SGCZ: variants seen among roughly 807,000 people sequenced by gnomAD.
SGCZ encodes zeta-sarcoglycan.
SGCZ carries 40 observed loss-of-function variants against 41.3 expected under a neutral mutation model. The ratio of observed to expected loss-of-function variants is 0.97; its 90% CI spans 0.75 to 1.26. The LOEUF is 1.26. SGCZ is among the 50% of genes most tolerant of loss of function. SGCZ has a pLI of 0.00. For missense variants in SGCZ, 552 were observed against 369.8 expected (o/e 1.49, Z -4.04); for synonymous variants, 206 against 137.5 (o/e 1.50, Z -3.49).
chr8:14,426,876 G>C (rs931087848), intron 2 of SGCZ, among the ~76,000 whole-genome samples: 9 of 152,090 alleles, frequency 5.9e-5, no homozygotes, highest in African/African-American at 2.2e-4. Flanking sequence ...AAATGTCTAA[G>C]ATCAAATAAA....
At chr8:14,537,426 A>G (rs554691140) in intron 2 of SGCZ, among the ~76,000 whole-genome samples, 6 of 152,030 alleles carry the variant, frequency 3.9e-5, no homozygotes, top group South Asian at 4.1e-4. Flanking sequence ...TCCAAACAAG[A>G]CAGAGAAAAA....
At chr8:14,371,047 A>G (rs1346368705) in intron 2 of SGCZ, among the ~76,000 whole-genome samples, 1 of 152,010 alleles carries the variant, frequency 6.6e-6, no homozygotes, top group Non-Finnish European at 1.5e-5. Context: ...TTTTTACCCT[A>G]TAAAAGCCAA....
chr8:14,303,453 C>T (rs1042704324), intron 3 of SGCZ, among the ~76,000 whole-genome samples: 8 of 152,006 alleles, frequency 5.3e-5, no homozygotes, highest in African/African-American at 1.9e-4. Flanking sequence ...TACACACATA[C>T]CAACACACAA....
intron 2 of SGCZ, among the ~76,000 whole-genome samples, chr8:14,458,972 C>A (rs1585542741): frequency 6.6e-6 from 1 of 152,264 alleles, no homozygotes; most frequent in East Asian, 1.9e-4. Context: ...GTCAAAAGGA[C>A]ATAGTGGCCA....
At position 14,540,904 on chromosome 8, in the gene SGCZ, T is replaced by A. The variant is rs559906884; in HGVS notation, c.234+13828A>T. On this transcript the variant is annotated intron_variant, in intron 2 of 7. Coordinates refer to ENST00000382080, the MANE Select transcript of SGCZ (RefSeq NM_139167.4). The stretch of plus-strand genomic sequence containing the variant: ...ATATTTATATTTGCCTTAACTGTTC[T>A]TTACTGCTTGTTATGATTGTTTAGT... 1.3e-3 allele frequency among the ~76,000 whole-genome samples: 199 copies of A among 151,862 alleles called. 4 individuals carry two copies. Among genetic ancestry groups the A allele is most frequent in the African/African-American group, 4.1e-3 (172 of 41,490 alleles).
intron 1 of SGCZ, among the ~76,000 whole-genome samples, chr8:15,040,363 C>G (rs1044096722): frequency 2.6e-5 from 4 of 152,052 alleles, no homozygotes; most frequent in African/African-American, 9.7e-5. Flanking sequence ...GCCTGTAATC[C>G]CAGCACTTTG....
In SGCZ at chr8:14,549,447, G is replaced by C. The variant is rs771410949; in HGVS notation, c.234+5285C>G. 4.3e-4 allele frequency among the ~76,000 whole-genome samples: 65 copies of C among 152,012 alleles called. 1 individual carries two copies. Among genetic ancestry groups the C allele is most frequent in the Non-Finnish European group, 1.2e-4 (8 of 67,990 alleles). On this transcript the variant is annotated intron_variant, in intron 2 of 7. Transcript: ENST00000382080. ...ATCAGAATCTGAAATAGTTTACTGA[G>C]AGAACAAGTGAAAAAATTAAAACAT...
intron 1 of SGCZ, among the ~76,000 whole-genome samples, chr8:14,896,707 C>G (rs185781017): frequency 3.0e-4 from 45 of 151,984 alleles, no homozygotes; most frequent in Admixed American, 5.2e-4. Context: ...GAACTCCTGA[C>G]CTCCAGTGAT....
intron 1 of SGCZ, among the ~76,000 whole-genome samples, chr8:15,126,556 A>G (rs1807694550): frequency 6.6e-6 from 1 of 152,212 alleles, no homozygotes; most frequent in African/African-American, 2.4e-5. Context: ...TAAATTCATC[A>G]TGGAAGAACT....
At chr8:14,305,923 C>T (rs527874913) in intron 3 of SGCZ, among the ~76,000 whole-genome samples, 1 of 152,206 alleles carries the variant, frequency 6.6e-6, no homozygotes, top group Non-Finnish European at 1.5e-5. Context: ...CAAGCCCGGA[C>T]TAACCTCCTA....
chr8:14,163,527 A>G (rs1804111096), intron 5 of SGCZ, among the ~76,000 whole-genome samples: 1 of 152,184 alleles, frequency 6.6e-6, no homozygotes. Context: ...ATTAATAAAT[A>G]TAAAGAGCCA....
intron 1 of SGCZ, among the ~76,000 whole-genome samples, chr8:15,024,252 G>A: frequency 6.6e-6 from 1 of 151,976 alleles, no homozygotes; most frequent in Admixed American, 6.6e-5. Context: ...TAAATATGAT[G>A]GCCATGAAAT....
chr8:14,691,971 C>T (rs577795008), intron 1 of SGCZ, among the ~76,000 whole-genome samples: 3 of 151,614 alleles, frequency 2.0e-5, no homozygotes, highest in South Asian at 2.1e-4. Flanking sequence ...ATAATTGATA[C>T]GTGAAATATT....
At chr8:14,502,900 A>T (rs1447026991) in intron 2 of SGCZ, among the ~76,000 whole-genome samples, 1 of 152,214 alleles carries the variant, frequency 6.6e-6, no homozygotes, top group Non-Finnish European at 1.5e-5. Context: ...TTCCTCAAGG[A>T]TCTAGAACCA....
intron 3 of SGCZ, among the ~76,000 whole-genome samples, chr8:14,279,716 A>C (rs1437303255): frequency 3.3e-5 from 5 of 152,028 alleles, no homozygotes; most frequent in African/African-American, 4.8e-5. Context: ...CTACACATGA[A>C]AGCAAATTCC....
chr8:14,624,594 G>A (rs1439133386), intron 1 of SGCZ, among the ~76,000 whole-genome samples: 12 of 112,598 alleles, frequency 1.1e-4, no homozygotes, highest in Non-Finnish European at 1.6e-4. Context: ...TTTTTGAGAC[G>A]GAGTCTCGCT....
intron 1 of SGCZ, among the ~76,000 whole-genome samples, chr8:14,907,766 C>T (rs963337259): frequency 1.3e-5 from 2 of 152,264 alleles, no homozygotes; most frequent in East Asian, 3.9e-4. Flanking sequence ...GCTACATGCA[C>T]AGAAATGAGC....
At chr8:14,860,530 G>T (rs1294939708) in intron 1 of SGCZ, among the ~76,000 whole-genome samples, 2 of 138,828 alleles carry the variant, frequency 1.4e-5, no homozygotes, top group East Asian at 4.2e-4. Context: ...GAGAAAGAAG[G>T]AAAGAATGAA....
intron 1 of SGCZ, among the ~76,000 whole-genome samples, chr8:14,823,163 G>T (rs1429314217): frequency 2.0e-5 from 3 of 151,316 alleles, no homozygotes; most frequent in Admixed American, 6.6e-5. Context: ...TCATGACATT[G>T]GGCTAGGCAA....
Sources: allele counts gnomAD v4.1 joint callset (sites outside exome capture counted in the v4.1 genomes callset), GRCh38; gene constraint gnomAD v4.1.1; transcripts MANE v1.5; gene names NCBI Gene and HGNC (gene_info 2026-07-23, HGNC 2026-07-21).